NIPBL: variants seen among roughly 807,000 people sequenced by gnomAD.
NIPBL encodes the protein NIPBL cohesin loading factor.
NIPBL carries 19 observed loss-of-function variants against 321.8 expected under a neutral mutation model. That is an observed-to-expected ratio of 0.06 (90% CI 0.04 to 0.09). The LOEUF (loss-of-function observed/expected upper bound fraction) is 0.09, where lower values mean the gene tolerates loss of function less well. Ranked by LOEUF, NIPBL falls within the 10% of genes least tolerant of loss-of-function variation. NIPBL has a pLI of 1.00. For synonymous variants in NIPBL, 1,106 were observed against 1,114.1 expected, an observed-to-expected ratio of 0.99 and a Z score of 0.14; for missense variants, 2,210 against 3,327.0, an observed-to-expected ratio of 0.66 and a Z score of 8.26.
At position 36,976,058 on chromosome 5, in the gene NIPBL, A is replaced by G. The variant is rs2291703; in HGVS notation, c.1151A>G (p.Asn384Ser). The G allele has an allele frequency of 3.5e-4, 570 of 1,614,030 alleles. 9 individuals carry two copies. In the East Asian group the frequency reaches 0.011, roughly 32 times the overall value. The part of the protein sequence containing the change: ...EDMISGVENS[N>S]VSENDIPFNV... ...ATGATTTCTGGTGTGGAAAATAGCA[A>G]TGTTTCAGAAAATGATATTCCTTTT... The change falls in exon 9 of 47, where the codon AAT becomes AGT. Residue 384 changes from asparagine (N) to serine (S), a missense_variant. Asn to Ser is a conservative substitution (Grantham distance 46). Around this residue, in one of 14 missense-constraint regions of NIPBL, gnomAD observed 464 missense variants for 529.5 expected, o/e 0.88. Coordinates refer to ENST00000282516, the MANE Select transcript of NIPBL (RefSeq NM_133433.4).
intron 2 of NIPBL, 38 bp downstream of exon 2, chr5:36,953,798 T>A (rs1740655631): frequency 6.7e-7 from 1 of 1,503,282 alleles, no homozygotes; most frequent in Non-Finnish European, 9.3e-7. Context: ...AGTTCTACTG[T>A]GTGTTAACAA....
Position 37,006,798 on chromosome 5 carries a change from G to A in NIPBL, c.4087+210G>A, listed in dbSNP as rs547281299. On this transcript the variant is annotated intron_variant, in intron 17 of 46. Transcript: ENST00000282516. ...ATAGAAGTTATTTCTACTTGTCAGG[G>A]AAAATCTCAGAAAATACTACCTTCT... Among the ~76,000 whole-genome samples, 9 of 151,968 alleles carry A rather than the reference G, an allele frequency of 5.9e-5. No individual in the cohort carries two copies. In the South Asian group the frequency reaches 8.3e-4, roughly 14 times the overall value.
chr5:37,056,373 CT>C (rs999840016), intron 42 of NIPBL, among the ~76,000 whole-genome samples: 1 of 150,394 alleles, frequency 6.6e-6, no homozygotes, highest in African/African-American at 2.4e-5. Flanking sequence ...TAGTTGTGAG[CT>C]TTTTTTTTCC....
Position 37,019,308 on chromosome 5 carries a change from T to C in NIPBL, c.4921-3T>C. 1 of 1,598,346 alleles carries C rather than the reference T, an allele frequency of 6.3e-7. No individual in the cohort carries two copies. The highest frequency in any genetic ancestry group is 2.2e-5 in the East Asian group (1 of 44,698). ...TTTTGTTCTTATTTGGTTTATTCTA[T>C]AGGTTTCAGGAGGGGAAGATGAAAT... is the stretch of plus-strand genomic sequence containing the variant. On this transcript the variant is annotated splice_polypyrimidine_tract_variant and splice_region_variant and intron_variant, in intron 24 of 46. Coordinates refer to ENST00000282516, the MANE Select transcript of NIPBL (RefSeq NM_133433.4).
At chr5:36,907,097 T>G (rs1747696225) in intron 1 of NIPBL, among the ~76,000 whole-genome samples, 1 of 152,048 alleles carries the variant, frequency 6.6e-6, no homozygotes, top group Non-Finnish European at 1.5e-5. Context: ...AGCAATGCTC[T>G]GAGATTCTTA....
intron 37 of NIPBL, among the ~76,000 whole-genome samples, chr5:37,045,879 AT>A (rs539155437): frequency 1.3e-5 from 2 of 152,118 alleles, no homozygotes; most frequent in Non-Finnish European, 2.9e-5. Context: ...TTTAAAAAAA[AT>A]TTTTTTCAAT....
At chr5:37,012,601 C>G (rs1748289664) in intron 21 of NIPBL, among the ~76,000 whole-genome samples, 1 of 152,106 alleles carries the variant, frequency 6.6e-6, no homozygotes, top group East Asian at 1.9e-4. Flanking sequence ...GCAGAGGACC[C>G]TGCGGCCTTC....
chr5:36,900,317 G>T (rs540608522), intron 1 of NIPBL, among the ~76,000 whole-genome samples: 13 of 152,260 alleles, frequency 8.5e-5, no homozygotes, highest in African/African-American at 3.1e-4. Flanking sequence ...ATACAGGAAG[G>T]TGTGCATTTT....
intron 1 of NIPBL, among the ~76,000 whole-genome samples, chr5:36,952,045 T>C (rs1180640712): frequency 2.6e-5 from 3 of 116,276 alleles, no homozygotes; most frequent in Non-Finnish European, 3.9e-5. Context: ...TGTGTGTGTG[T>C]GTGTGTGTGC....
chr5:36,978,551 TGC>T (rs1396384536), intron 9 of NIPBL, among the ~76,000 whole-genome samples: 1 of 151,994 alleles, frequency 6.6e-6, no homozygotes, highest in Non-Finnish European at 1.5e-5. Context: ...CTGTTTACTC[TGC>T]TATGGTTTCT....
In NIPBL at chr5:37,046,994, C is replaced by G. The variant is rs566678061; in HGVS notation, c.6589+795C>G. Among the ~76,000 whole-genome samples, 4 of 152,172 alleles carry G rather than the reference C, an allele frequency of 2.6e-5. No homozygotes were observed. In the South Asian group the frequency reaches 8.3e-4, roughly 32 times the overall value. On this transcript the variant is annotated intron_variant, in intron 38 of 46. Transcript: ENST00000282516. ...AAATACTGAGAAAAAAAAATTACACCTGTACTAAATATGTACAGACTTTTT... is the reference window on the plus strand; with the variant it reads ...AAATACTGAGAAAAAAAAATTACACGTGTACTAAATATGTACAGACTTTTT...
chr5:36,916,746 C>T (rs1224738925), intron 1 of NIPBL, among the ~76,000 whole-genome samples: 3 of 151,702 alleles, frequency 2.0e-5, no homozygotes, highest in Non-Finnish European at 4.4e-5. Context: ...TGAGAACATG[C>T]AGTGTTTGGT....
intron 10 of NIPBL, among the ~76,000 whole-genome samples, chr5:36,992,922 T>C (rs1427195571): frequency 6.6e-6 from 1 of 151,930 alleles, no homozygotes; most frequent in Middle Eastern, 3.2e-3. Context: ...TTTGTATTTT[T>C]AGTAGAGACG....
chr5:36,982,597 AT>A (rs1554016594), intron 9 of NIPBL, among the ~76,000 whole-genome samples: 1 of 151,866 alleles, frequency 6.6e-6, no homozygotes, highest in Non-Finnish European at 1.5e-5. Context: ...ACTTTCATAC[AT>A]TTTTTATTAT....
At chr5:36,916,018 A>C (rs1376690048) in intron 1 of NIPBL, among the ~76,000 whole-genome samples, 2 of 152,248 alleles carry the variant, frequency 1.3e-5, no homozygotes, top group South Asian at 4.1e-4. Flanking sequence ...GGAAAAAGAT[A>C]TGAGGAACAA....
chr5:36,935,646 G>T, intron 1 of NIPBL, among the ~76,000 whole-genome samples: 1 of 152,242 alleles, frequency 6.6e-6, no homozygotes, highest in South Asian at 2.1e-4. Flanking sequence ...CAGTATATTA[G>T]TTTCCTAGGA....
intron 13 of NIPBL, 23 bp downstream of exon 13, chr5:37,000,911 T>C: frequency 1.3e-6 from 2 of 1,598,356 alleles, no homozygotes; most frequent in Non-Finnish European, 1.7e-6. Context: ...TTTATTTAAT[T>C]TGTCTTTATT....
chr5:36,978,504 A>G (rs903785720), intron 9 of NIPBL, among the ~76,000 whole-genome samples: 4 of 151,944 alleles, frequency 2.6e-5, no homozygotes, highest in Admixed American at 1.3e-4. Context: ...TGTTGGATGC[A>G]TAGTTTGTAA....
intron 1 of NIPBL, among the ~76,000 whole-genome samples, chr5:36,914,526 A>G (rs1251672159): frequency 6.6e-6 from 1 of 152,234 alleles, no homozygotes; most frequent in African/African-American, 2.4e-5. Context: ...CAAAAGTATT[A>G]GAGATATTGT....
Sources: allele counts gnomAD v4.1 joint callset (sites outside exome capture counted in the v4.1 genomes callset), GRCh38; gene constraint gnomAD v4.1.1; regional missense constraint gnomAD v4.1.1; transcripts MANE v1.5; gene names NCBI Gene and HGNC (gene_info 2026-07-23, HGNC 2026-07-21).